CNGA3: variants seen among roughly 807,000 people sequenced by gnomAD.
CNGA3 encodes cyclic nucleotide gated channel subunit alpha 3, also known as cyclic nucleotide-gated channel alpha-3.
In CNGA3, 42 loss-of-function variants were observed where a neutral mutation model predicts 46.6. That is an observed-to-expected ratio of 0.90 (90% CI 0.70 to 1.17). CNGA3 has a LOEUF of 1.17. Ranked by LOEUF, CNGA3 falls within the 50% of genes most tolerant of loss-of-function variation. CNGA3 has a pLI of 0.00. For missense variants in CNGA3, 893 were observed against 890.7 expected (o/e 1.00, Z -0.03); for synonymous variants, 394 against 369.4 (o/e 1.07, Z -0.76).
chr2:98,357,275 A>G (rs554641242), intron 1 of CNGA3, among the ~76,000 whole-genome samples: 1 of 152,238 alleles, frequency 6.6e-6, no homozygotes, highest in Non-Finnish European at 1.5e-5. Context: ...AGAGCCCAGG[A>G]TGAGCACTGG....
intron 1 of CNGA3, among the ~76,000 whole-genome samples, chr2:98,359,321 A>G (rs1691968361): frequency 6.6e-6 from 1 of 152,192 alleles, no homozygotes; most frequent in Admixed American, 6.5e-5. Context: ...TGGGGGAAGT[A>G]AGGAAGCCCC....
chr2:98,361,298 G>A (rs55730904), intron 1 of CNGA3, among the ~76,000 whole-genome samples: 29,185 of 152,082 alleles, frequency 0.19, 3,202 homozygotes, highest in Non-Finnish European at 0.26. Context: ...TTCTGCTTCC[G>A]AGTTAGTTTG....
At chr2:98,364,786 A>AG (rs1341063299) in intron 1 of CNGA3, among the ~76,000 whole-genome samples, 1 of 152,110 alleles carries the variant, frequency 6.6e-6, no homozygotes, top group Non-Finnish European at 1.5e-5. Context: ...TGTTTCCTTC[A>AG]GGAGCTCCTG....
chr2:98,347,681 G>A (rs971546654), intron 1 of CNGA3, among the ~76,000 whole-genome samples: 18 of 152,204 alleles, frequency 1.2e-4, no homozygotes, highest in African/African-American at 4.1e-4. Context: ...GAAGCTGGCG[G>A]GAGCAGTCCC....
At chr2:98,383,489 C>T (rs1468625090) in intron 5 of CNGA3, 48 bp downstream of exon 5, 1 of 1,595,678 alleles carries the variant, frequency 6.3e-7, no homozygotes. Flanking sequence ...CCGGTGCCCT[C>T]CACCCCATAG....
At chr2:98,386,855 C>T (rs978543157) in intron 5 of CNGA3, among the ~76,000 whole-genome samples, 5 of 152,106 alleles carry the variant, frequency 3.3e-5, no homozygotes, top group Non-Finnish European at 7.3e-5. Context: ...GGATCTCAGC[C>T]CCACAATCGC....
chr2:98,352,689 G>A (rs1390259458), intron 1 of CNGA3, among the ~76,000 whole-genome samples: 1 of 152,102 alleles, frequency 6.6e-6, no homozygotes, highest in Non-Finnish European at 1.5e-5. Flanking sequence ...CCCAGTGTTG[G>A]TGGCCACTAT....
intron 1 of CNGA3, among the ~76,000 whole-genome samples, chr2:98,366,162 C>T (rs146337189): frequency 6.6e-6 from 1 of 152,328 alleles, no homozygotes; most frequent in African/African-American, 2.4e-5. Context: ...TGTAGGGCTG[C>T]TGCAGTTTGC....
At chr2:98,370,269 T>A (rs1413861561) in intron 2 of CNGA3, among the ~76,000 whole-genome samples, 193 bp downstream of exon 2, 1 of 152,230 alleles carries the variant, frequency 6.6e-6, no homozygotes, top group Non-Finnish European at 1.5e-5. Flanking sequence ...GTAGTCTGTA[T>A]TCTTGTTTTA....
At chr2:98,348,119 T>C (rs1056082437) in intron 1 of CNGA3, among the ~76,000 whole-genome samples, 6 of 152,092 alleles carry the variant, frequency 3.9e-5, no homozygotes, top group Admixed American at 6.5e-5. Flanking sequence ...TTCTTTGGGG[T>C]AGGGGGAAGG....
chr2:98,387,505 A>G (rs1443919624), intron 5 of CNGA3, among the ~76,000 whole-genome samples: 1 of 152,206 alleles, frequency 6.6e-6, no homozygotes, highest in East Asian at 1.9e-4. Flanking sequence ...GAAGAAATTT[A>G]CATGTATTCA....
chr2:98,389,332 C>T (rs1263700435), intron 5 of CNGA3, among the ~76,000 whole-genome samples: 1 of 152,228 alleles, frequency 6.6e-6, no homozygotes, highest in Non-Finnish European at 1.5e-5. Flanking sequence ...ACCTCTGTGA[C>T]ATTGCCATGC....
intron 6 of CNGA3, among the ~76,000 whole-genome samples, chr2:98,391,179 C>T (rs1034661634): frequency 6.6e-6 from 1 of 152,206 alleles, no homozygotes; most frequent in Admixed American, 6.5e-5. Flanking sequence ...TCCTGCTCTT[C>T]GGAGGGATTG....
At chr2:98,382,444 T>C (rs1227074226) in intron 4 of CNGA3, among the ~76,000 whole-genome samples, 8 of 152,164 alleles carry the variant, frequency 5.3e-5, no homozygotes, top group Admixed American at 1.3e-4. Flanking sequence ...TATGGCCATA[T>C]CTTAGACGGA....
rs771343327 is a variant in CNGA3, at chr2:98,377,731, G to A, written c.146G>A (p.Gly49Glu). Residue 49 changes from glycine (G) to glutamate (E), a missense_variant, in exon 3 of 8, where the codon GGG (glycine) becomes GAG (glutamate). Coordinates refer to ENST00000272602, the MANE Select transcript of CNGA3 (RefSeq NM_001298.3). ...SEETSSVLQP[G>E]IAMETRGLAD... ...GAGACATCGTCAGTGCTGCAGCCGG[G>A]GATCGCCATGGAGACCAGAGGACTG... 26 of 1,613,280 alleles carry A rather than the reference G, an allele frequency of 1.6e-5. No homozygotes were observed. The Admixed American group carries it at 4.3e-4, about 27-fold the overall frequency.
intron 1 of CNGA3, among the ~76,000 whole-genome samples, chr2:98,356,448 C>T (rs1254861416): frequency 6.6e-6 from 1 of 152,180 alleles, no homozygotes; most frequent in Non-Finnish European, 1.5e-5. Context: ...AGACTCTGTA[C>T]TCTGTCCTGA....
At chr2:98,350,890 G>T (rs1691755454) in intron 1 of CNGA3, 1 of 152,164 alleles carries the variant, frequency 6.6e-6, no homozygotes, top group African/African-American at 2.4e-5. Flanking sequence ...TCATGAGAAA[G>T]TTTCTTTGGG....
At chr2:98,395,274 G>A (rs536211384) in intron 7 of CNGA3, among the ~76,000 whole-genome samples, 1 of 152,092 alleles carries the variant, frequency 6.6e-6, no homozygotes, top group African/African-American at 2.4e-5. Flanking sequence ...GGTTCAAGTG[G>A]TTCTCGTGCC....
Position 98,389,791 on chromosome 2 carries a change from G to A in CNGA3, c.566+17G>A, listed in dbSNP as rs745879257. The A allele has an allele frequency of 1.9e-6, 3 of 1,603,058 alleles. No homozygotes were observed. Among genetic ancestry groups the A allele is most frequent in the East Asian group, 4.5e-5 (2 of 44,842 alleles). On this transcript the variant is annotated intron_variant, in intron 6 of 7. Coordinates refer to ENST00000272602, the MANE Select transcript of CNGA3 (RefSeq NM_001298.3). ...TATTTGCAGGTAAGCGACAGGGGTGGAAGGTGCAGCGGAAAGGGGGAAACC... is the reference window on the plus strand; with the variant it reads ...TATTTGCAGGTAAGCGACAGGGGTGAAAGGTGCAGCGGAAAGGGGGAAACC...
Sources: gnomAD v4.1 joint callset for allele counts (sites outside exome capture counted in the v4.1 genomes callset) on GRCh38, gnomAD v4.1.1 for gene constraint, MANE v1.5 for transcripts, NCBI Gene and HGNC (gene_info 2026-07-23, HGNC 2026-07-21) for gene names.